The following DYNC1H1 variants were observed in gnomAD, a reference collection of about 807,000 sequenced individuals.
DYNC1H1 encodes cytoplasmic dynein 1 heavy chain 1.
Under a neutral mutation model 527.1 loss-of-function variants are expected in DYNC1H1, and 51 were observed. That is an observed-to-expected ratio of 0.10 (90% CI 0.08 to 0.12). The LOEUF (loss-of-function observed/expected upper bound fraction) is 0.12. DYNC1H1 is among the 10% of genes least tolerant of loss of function. DYNC1H1 has a pLI of 1.00. For synonymous variants in DYNC1H1, 2,189 were observed against 2,278.8 expected (o/e 0.96, Z 1.12); for missense variants, 2,771 against 5,971.8 (o/e 0.46, Z 17.66).
Position 102,009,894 on chromosome 14 carries a change from C to T in DYNC1H1, c.6029C>T (p.Pro2010Leu), listed in dbSNP as rs747348966. The T allele has an allele frequency of 2.2e-5, 36 of 1,613,988 alleles. No individual in the cohort carries two copies. The highest frequency in any genetic ancestry group is 9.3e-5 in the African/African-American group (7 of 74,894). Reference sequence around the variant, plus strand: ...CTGAACAAACAAGTCAAGGTGAGCCCGGACATGGCCATCTTCATCACCATG... The same window carrying T: ...CTGAACAAACAAGTCAAGGTGAGCCTGGACATGGCCATCTTCATCACCATG... ...ELLNKQVKVS[P>L]DMAIFITMNP... The change falls in exon 30 of 78, where the codon CCG (proline) becomes CTG (leucine). Residue 2010 changes from proline (P) to leucine (L), a missense_variant. Physicochemically the swap from Pro to Leu is moderately conservative, Grantham distance 98. Around this residue, in one of 32 missense-constraint regions of DYNC1H1, gnomAD observed 39 missense variants for 38.8 expected, o/e 1.00. Transcript: ENST00000360184.
chr14:102,014,596 G>A (rs1035810636), intron 34 of DYNC1H1, among the ~76,000 whole-genome samples: 4 of 151,920 alleles, frequency 2.6e-5, no homozygotes, highest in African/African-American at 9.7e-5. Context: ...AGACTGGAGG[G>A]ATCCACGCCC....
Position 102,054,981 on chromosome 14 carries a change from G to T in DYNC1H1, c.*4418G>T, listed in dbSNP as rs2048861088. 6.6e-6 allele frequency: 1 copy of T among 152,272 alleles called. No individual in the cohort carries two copies. The highest frequency in any genetic ancestry group is 2.4e-5 in the African/African-American group (1 of 41,464). The allele number at this position is 152,272 out of a possible 1,614,324, so 9.4% of individuals were successfully genotyped here. ...CAAAGTGCTAGGATTATGGGCCTGA[G>T]CCACCCCACCCGGCCCAACCTTATT... On this transcript the variant is annotated 3_prime_UTR_variant, in exon 78 of 78. Coordinates refer to ENST00000360184, the MANE Select transcript of DYNC1H1 (RefSeq NM_001376.5).
chr14:102,047,473 G>T (rs541435732), intron 72 of DYNC1H1, among the ~76,000 whole-genome samples: 26 of 151,892 alleles, frequency 1.7e-4, no homozygotes, highest in African/African-American at 6.3e-4. Flanking sequence ...GGAGGCAGAG[G>T]TTGCAGTGAG....
At chr14:101,991,007 CA>C (rs113053648) in intron 10 of DYNC1H1, among the ~76,000 whole-genome samples, 2,728 of 68,448 alleles carry the variant, frequency 0.04, 45 homozygotes, top group African/African-American at 0.097. Context: ...GACTCCGTCT[CA>C]AAAAAAAAAA....
chr14:102,033,385 A>T lies in DYNC1H1; in HGVS notation c.10314A>T (p.Arg3438=). ...CCAACGAGGTGGAGCAGATGATCCG[A>T]GACCTGGAAGCCAGCATCGCCCGCT... ...QKANEVEQMI[R]DLEASIARYK... Residue 3438 remains arginine, a synonymous_variant, in exon 54 of 78, where the codon CGA becomes CGT. Transcript: ENST00000360184. This position sits in a 1 kb window ranked among gnomAD's most constrained non-coding sequence, Gnocchi z 5.6. 6.2e-7 allele frequency: 1 copy of T among 1,614,242 alleles called. No homozygotes were observed.
At chr14:102,031,344 C>G (rs2048508198) in intron 51 of DYNC1H1, among the ~76,000 whole-genome samples, 1 of 152,140 alleles carries the variant, frequency 6.6e-6, no homozygotes, top group Non-Finnish European at 1.5e-5. Context: ...AGATGATCCT[C>G]CCACCTGAGC....
chr14:102,009,743 G>A, intron 29 of DYNC1H1, 100 bp from the exon 30 acceptor site: 1 of 1,587,268 alleles, frequency 6.3e-7, no homozygotes, highest in Non-Finnish European at 8.6e-7. Context: ...AGCTCCCTGG[G>A]AGAACGAGAG....
chr14:102,029,984 G>A lies in DYNC1H1; in HGVS notation c.9762+46G>A, dbSNP rs758038410. On this transcript the variant is annotated intron_variant, in intron 50 of 77. Coordinates refer to ENST00000360184, the MANE Select transcript of DYNC1H1 (RefSeq NM_001376.5). This position sits in a 1 kb window ranked among gnomAD's most constrained non-coding sequence, Gnocchi z 5.3. ...GGCCTGTAAGGACTGAGCATTTTCA[G>A]TCTCCAATGAGAGAGTAGGAAATGT... 5.0e-6 allele frequency: 8 copies of A among 1,613,830 alleles called. No individual in the cohort carries two copies. Among genetic ancestry groups the A allele is most frequent in the Non-Finnish European group, 5.9e-6 (7 of 1,179,972 alleles).
At chr14:102,031,842 T>G (rs1270774477) in intron 51 of DYNC1H1, among the ~76,000 whole-genome samples, 4 of 152,124 alleles carry the variant, frequency 2.6e-5, no homozygotes, top group Non-Finnish European at 4.4e-5. Flanking sequence ...TAATCCCAGC[T>G]GCTCAGGAGG....
rs2047896019 is a variant in DYNC1H1, at chr14:101,983,808, G to A, written c.1461+199G>A. Among the ~76,000 whole-genome samples, 1 of 151,970 alleles carries A rather than the reference G, an allele frequency of 6.6e-6. No homozygotes were observed. Among genetic ancestry groups the A allele is most frequent in the South Asian group, 2.1e-4 (1 of 4,810 alleles). Reference sequence around the variant, plus strand: ...TTCTCCTGCCTCAGCCTCTCGAGTAGCTGGGATTACAGGTGCCTGCCACCA... The same window carrying A: ...TTCTCCTGCCTCAGCCTCTCGAGTAACTGGGATTACAGGTGCCTGCCACCA... On this transcript the variant is annotated intron_variant, in intron 7 of 77. Transcript: ENST00000360184. This position sits in a 1 kb window ranked among gnomAD's most constrained non-coding sequence, Gnocchi z 5.3.
In DYNC1H1 at chr14:102,038,405, G is replaced by C; in HGVS notation, c.10909-55G>C. On this transcript the variant is annotated intron_variant, in intron 57 of 77. Coordinates refer to ENST00000360184, the MANE Select transcript of DYNC1H1 (RefSeq NM_001376.5). The surrounding 1 kb of genome is among the most constrained non-coding windows in gnomAD (Gnocchi z 7.2). ...AGTAGGACAGCAACATAGCATTTGG[G>C]TGAAGATAAAGTTACAAAGCCCTGA... The C allele has an allele frequency of 6.2e-7, 1 of 1,608,852 alleles. No individual in the cohort carries two copies. Among genetic ancestry groups the C allele is most frequent in the Non-Finnish European group, 8.5e-7 (1 of 1,179,438 alleles).
intron 43 of DYNC1H1, among the ~76,000 whole-genome samples, chr14:102,025,778 G>A (rs2048442699): frequency 6.6e-6 from 1 of 152,046 alleles, no homozygotes; most frequent in African/African-American, 2.4e-5. Context: ...GTTGTTCTCT[G>A]TGCTAAAACC....
chr14:102,053,613 T>G lies in DYNC1H1; in HGVS notation c.*3050T>G, dbSNP rs2048845135. On this transcript the variant is annotated 3_prime_UTR_variant, in exon 78 of 78. Coordinates refer to ENST00000360184, the MANE Select transcript of DYNC1H1 (RefSeq NM_001376.5). Reference sequence around the variant, plus strand: ...ACAGGCGCCCACCACCAAGCCCGGCTAATTTTTTGGATTTTTAGTAGAGAC... The same window carrying G: ...ACAGGCGCCCACCACCAAGCCCGGCGAATTTTTTGGATTTTTAGTAGAGAC... 6.6e-6 allele frequency: 1 copy of G among 152,034 alleles called. No homozygotes were observed. Among genetic ancestry groups the G allele is most frequent in the Non-Finnish European group, 1.5e-5 (1 of 68,076 alleles). The allele number at this position is 152,034 out of a possible 1,614,324, so 9.4% of individuals were successfully genotyped here.
In DYNC1H1 at chr14:101,988,724, C is replaced by T. The variant is rs1390186634; in HGVS notation, c.2740C>T (p.Arg914Cys). ...DMEIERILGV[R>C]LQAGLRAWTQ... ...GTAGATTGAAAGAATATTGGGCGTC[C>T]GTCTGCAAGCTGGCCTGAGAGCTTG... The change falls in exon 10 of 78, where the codon CGT becomes TGT. Residue 914 changes from arginine to cysteine, a missense_variant. By Grantham distance (180) the Arg-to-Cys change is radical. This residue lies in a region of DYNC1H1 where 179 missense variants were observed against 349.4 expected (regional missense o/e 0.51). Transcript: ENST00000360184. 1.2e-6 allele frequency: 2 copies of T among 1,614,096 alleles called. No individual in the cohort carries two copies. Among genetic ancestry groups the T allele is most frequent in the Non-Finnish European group, 1.7e-6 (2 of 1,180,034 alleles).
At position 102,010,469 on chromosome 14, in the gene DYNC1H1, A is replaced by T. The variant is rs2048245252; in HGVS notation, c.6405+10A>T. The T allele has an allele frequency of 6.2e-7, 1 of 1,613,642 alleles. No homozygotes were observed. The highest frequency in any genetic ancestry group is 8.5e-7 in the Non-Finnish European group (1 of 1,179,726). On this transcript the variant is annotated intron_variant, in intron 31 of 77. Coordinates refer to ENST00000360184, the MANE Select transcript of DYNC1H1 (RefSeq NM_001376.5). This position sits in a 1 kb window ranked among gnomAD's most constrained non-coding sequence, Gnocchi z 6.0. ...TCTCCCTGAACAAGAGGTTCGTTAC[A>T]AACGTTTTGATCACTCAAACCTTAT...
At position 102,048,558 on chromosome 14, in the gene DYNC1H1, G is replaced by A. The variant is rs376492799; in HGVS notation, c.13261G>A (p.Ala4421Thr). Residue 4421 changes from alanine to threonine, a missense_variant, in exon 74 of 78, where the codon GCA becomes ACA. This residue lies in a region of DYNC1H1 where 170 missense variants were observed against 249.8 expected (regional missense o/e 0.68). Transcript: ENST00000360184. ...CTTTGAGAGAGAAGTGAAGATGGGC[G>A]CAAAGCTGCTTCAGGACGTTCGCCA... ...RFFEREVKMG[A>T]KLLQDVRQDL... 28 of 1,614,084 alleles carry A rather than the reference G, an allele frequency of 1.7e-5. No homozygotes were observed. The highest frequency in any genetic ancestry group is 1.9e-5 in the Non-Finnish European group (22 of 1,180,048).
In DYNC1H1 at chr14:102,001,276, G is replaced by A. The variant is rs1317025230; in HGVS notation, c.4317G>A (p.Leu1439=). The change falls in exon 20 of 78, where the codon TTG becomes TTA. Residue 1439 remains leucine (L), a synonymous_variant. Transcript: ENST00000360184. This position sits in a 1 kb window ranked among gnomAD's most constrained non-coding sequence, Gnocchi z 5.0. ...LTLGQIWDVD[L]QKNEAIVKDV... ...TTGGCCAAATCTGGGATGTTGACTT[G>A]CAGAAAAATGAAGCGATTGTCAAGG... The A allele has an allele frequency of 1.2e-6, 2 of 1,614,224 alleles. No individual in the cohort carries two copies. The highest frequency in any genetic ancestry group is 4.5e-5 in the East Asian group (2 of 44,894).
rs552279221 is a variant in DYNC1H1 at position 102,027,118 on chromosome 14, A to G, written c.8772-56A>G. ...TACTGTAGACACTAGATATGAGTCAAAAGGGGAATGAGGCATTATAAGCCT... is the reference window on the plus strand; with the variant it reads ...TACTGTAGACACTAGATATGAGTCAGAAGGGGAATGAGGCATTATAAGCCT... On this transcript the variant is annotated intron_variant, in intron 44 of 77. Coordinates refer to ENST00000360184, the MANE Select transcript of DYNC1H1 (RefSeq NM_001376.5). The surrounding 1 kb of genome is among the most constrained non-coding windows in gnomAD (Gnocchi z 7.7). The G allele has an allele frequency of 1.5e-5, 23 of 1,566,662 alleles. No individual in the cohort carries two copies. The highest frequency in any genetic ancestry group is 1.5e-5 in the Non-Finnish European group (17 of 1,137,154).
intron 72 of DYNC1H1, 167 bp from the exon 73 acceptor site, chr14:102,047,650 T>TAC (rs2048743894): frequency 4.0e-6 from 2 of 499,142 alleles, no homozygotes; most frequent in East Asian, 8.6e-5. Context: ...TGTATATATA[T>TAC]ATATATATAT....
Sources: gnomAD v4.1 joint callset for allele counts (sites outside exome capture counted in the v4.1 genomes callset) on GRCh38, gnomAD v4.1.1 for gene constraint, gnomAD v4.1.1 regional missense constraint, Gnocchi (gnomAD v3.1) non-coding constraint, MANE v1.5 for transcripts, NCBI Gene and HGNC (gene_info 2026-07-23, HGNC 2026-07-21) for gene names.